PLEC: variants seen among roughly 807,000 people sequenced by gnomAD.
PLEC encodes the protein hemidesmosomal protein 1.
A neutral mutation model predicts 392.8 loss-of-function variants in PLEC; 216 were observed. The ratio of observed to expected loss-of-function variants is 0.55; its 90% CI spans 0.49 to 0.62. PLEC has a LOEUF of 0.62. PLEC is among the 20% of genes least tolerant of loss of function. The probability of loss-of-function intolerance (pLI) is 0.00; values close to 1 mark genes in which losing one functional copy is unlikely to be tolerated. For missense variants in PLEC, 6,863 were observed against 6,563.4 expected (o/e 1.05, Z -1.58); for synonymous variants, 3,621 against 2,980.6 (o/e 1.21, Z -7.00).
intron 1 of PLEC, among the ~76,000 whole-genome samples, chr8:143,967,998 C>T (rs998793412): frequency 1.3e-5 from 2 of 150,968 alleles, no homozygotes; most frequent in African/African-American, 4.9e-5. Flanking sequence ...TGTGGTGGCG[C>T]ACACATGTAA....
chr8:143,959,143 G>A (rs782480891), intron 1 of PLEC, among the ~76,000 whole-genome samples: 12 of 152,206 alleles, frequency 7.9e-5, no homozygotes, highest in Non-Finnish European at 1.8e-4. Context: ...GAATGCGGAC[G>A]GTGCAGGCGC....
chr8:143,934,134 G>C (rs782496051), intron 11 of PLEC, 43 bp from the exon 12 acceptor site: 13 of 1,600,504 alleles, frequency 8.1e-6, no homozygotes, highest in African/African-American at 2.7e-5. Flanking sequence ...GGCCGGGTCC[G>C]GCACAGCCCT....
Position 143,921,808 on chromosome 8 carries a change from C to G in PLEC, c.8013G>C (p.Arg2671=), listed in dbSNP as rs782771150. 10 of 1,609,200 alleles carry G rather than the reference C, an allele frequency of 6.2e-6. No individual in the cohort carries two copies. The Admixed American group carries it at 1.0e-4, about 16-fold the overall frequency. Reference sequence around the variant, plus strand: ...CCACCGTGGTGTGGCCCTGCGCCAACCGCTGCAGCTCCTCCGCACTCAGGA... The same window carrying G: ...CCACCGTGGTGTGGCCCTGCGCCAAGCGCTGCAGCTCCTCCGCACTCAGGA... The part of the protein sequence containing the change: ...AGILSAEELQ[R]LAQGHTTVDE... Residue 2671 remains arginine, a synonymous_variant, in exon 32 of 32, where the codon CGG becomes CGC. Coordinates refer to ENST00000345136, the MANE Select transcript of PLEC (RefSeq NM_201384.3).
At chr8:143,942,311 G>A, upstream of PLEC, 3 of 1,541,004 alleles carry the variant, frequency 1.9e-6, no homozygotes, top group Non-Finnish European at 2.7e-6. Flanking sequence ...CCCAGGCGGC[G>A]GTTCCCAGCA....
chr8:143,937,916 AGCCG>A, intron 3 of PLEC: 5 of 634,804 alleles, frequency 7.9e-6, no homozygotes, highest in Non-Finnish European at 1.2e-5. Context: ...GGCCCAGAGC[AGCCG>A]AGGTCCGAGG....
intron 25 of PLEC, among the ~76,000 whole-genome samples, chr8:143,928,460 A>T (rs1357463836): frequency 1.3e-5 from 2 of 149,870 alleles, no homozygotes; most frequent in Non-Finnish European, 3.0e-5. Flanking sequence ...GTGGTTTGCA[A>T]CACAGGAAGA....
intron 12 of PLEC, 126 bp from the exon 13 acceptor site, chr8:143,933,477 C>T (rs535145792): frequency 5.9e-4 from 659 of 1,114,494 alleles, no homozygotes; most frequent in Middle Eastern, 3.5e-3. Flanking sequence ...CATCCCTGTC[C>T]TTCCCCTTCC....
At position 143,973,039 on chromosome 8, in the gene PLEC, G is replaced by A. The variant is rs1833509392; in HGVS notation, c.70+364C>T. ...GGCGGAGCTGCCCCTGTTCCATGCA[G>A]ACGCGCCCCAGAGGTGGGGCAGGGG... On this transcript the variant is annotated intron_variant, in intron 1 of 31. Coordinates refer to the PLEC transcript ENST00000356346. This position sits in a 1 kb window ranked among gnomAD's most constrained non-coding sequence, Gnocchi z 5.6. Among the ~76,000 whole-genome samples, 1 of 152,174 alleles carries A rather than the reference G, an allele frequency of 6.6e-6. No individual in the cohort carries two copies. The highest frequency in any genetic ancestry group is 2.4e-5 in the African/African-American group (1 of 41,450).
Position 143,919,183 on chromosome 8 carries a change from C to T in PLEC, c.10638G>A (p.Ala3546=), listed in dbSNP as rs782070018. 29 of 1,613,704 alleles carry T rather than the reference C, an allele frequency of 1.8e-5. No homozygotes were observed. The highest frequency in any genetic ancestry group is 5.0e-5 in the Admixed American group (3 of 60,012). ...TGLRLLPLKG[A]EKAEVVETTQ... ...TGGTCTCCACCACCTCAGCCTTCTC[C>T]GCCCCTTTCAGTGGCAGAAGGCGCA... is the stretch of plus-strand genomic sequence containing the variant. The change falls in exon 32 of 32, where the codon GCG becomes GCA. Residue 3546 remains alanine (A), a synonymous_variant. Transcript: ENST00000345136.
At chr8:143,934,480 AG>A (rs1554720916) in intron 10 of PLEC, 35 bp from the exon 11 acceptor site, 1 of 1,608,528 alleles carries the variant, frequency 6.2e-7, no homozygotes, top group Non-Finnish European at 8.5e-7. Context: ...CCCTATAGGC[AG>A]GGGGCAGGGG....
Position 143,917,867 on chromosome 8 carries a change from A to G in PLEC, c.11954T>C (p.Leu3985Pro), listed in dbSNP as rs1554673386. 4 of 1,613,100 alleles carry G rather than the reference A, an allele frequency of 2.5e-6. No homozygotes were observed. The highest frequency in any genetic ancestry group is 1.7e-6 in the Non-Finnish European group (2 of 1,179,988). ...CATACGCACAGCCTCCTCCACCGTC[A>G]GCTTCAGTCCCTTGATGGGGTCGAT... ...YVIDPIKGLK[L>P]TVEEAVRMGI... Residue 3985 changes from leucine (L) to proline (P), a missense_variant, in exon 32 of 32, where the codon CTG becomes CCG. By Grantham distance (98) the Leu-to-Pro change is moderately conservative. Coordinates refer to ENST00000345136, the MANE Select transcript of PLEC (RefSeq NM_201384.3).
Position 143,921,896 on chromosome 8 carries a change from G to A in PLEC, c.7925C>T (p.Pro2642Leu), listed in dbSNP as rs782183501. Residue 2642 changes from proline to leucine, a missense_variant, in exon 32 of 32, where the codon CCG becomes CTG. Coordinates refer to ENST00000345136, the MANE Select transcript of PLEC (RefSeq NM_201384.3). ...CCGCAGGCCATCGAAGCTGTGCTCC[G>A]GCTCTGCCTCTGCCGCGGGGCCATC... ...ALDGPAAEAE[P>L]EHSFDGLRRK... The A allele has an allele frequency of 1.7e-5, 27 of 1,600,482 alleles. No individual in the cohort carries two copies. The highest frequency in any genetic ancestry group is 3.3e-4 in the Middle Eastern group (2 of 6,060).
At position 143,918,671 on chromosome 8, in the gene PLEC, G is replaced by A. The variant is rs375586872; in HGVS notation, c.11150C>T (p.Ala3717Val). 2 of 1,612,870 alleles carry A rather than the reference G, an allele frequency of 1.2e-6. No homozygotes were observed. Among genetic ancestry groups the A allele is most frequent in the Non-Finnish European group, 1.7e-6 (2 of 1,179,986 alleles). Residue 3717 changes from alanine (A) to valine (V), a missense_variant, in exon 32 of 32, where the codon GCC becomes GTC. Coordinates refer to ENST00000345136, the MANE Select transcript of PLEC (RefSeq NM_201384.3). Reference protein sequence around the residue: ...YQALKKGLLSAEVARLLLEAQ... With the variant: ...YQALKKGLLSVEVARLLLEAQ... ...CTCCAGCAGCAGGCGGGCCACCTCGGCACTCAGCAGCCCTTTCTTGAGAGC... is the reference window on the plus strand; with the variant it reads ...CTCCAGCAGCAGGCGGGCCACCTCGACACTCAGCAGCCCTTTCTTGAGAGC...
Position 143,932,981 on chromosome 8 carries a change from G to A in PLEC, c.1549C>T (p.Leu517=). The part of the protein sequence containing the change: ...TLQSVQRRPE[L]EDSTLRYLQD... ...AGGTAGCGCAGAGTGGAGTCCTCCA[G>A]CTCGGGGCGCCTCTGCACACTCTGC... The change falls in exon 14 of 32, where the codon CTG becomes TTG. Residue 517 remains leucine, a synonymous_variant. Coordinates refer to ENST00000345136, the MANE Select transcript of PLEC (RefSeq NM_201384.3). 1.2e-6 allele frequency: 2 copies of A among 1,611,462 alleles called. No homozygotes were observed. Among genetic ancestry groups the A allele is most frequent in the Non-Finnish European group, 8.5e-7 (1 of 1,179,524 alleles).
chr8:143,950,719 CGG>C, exon 1 of PLEC: 1 of 1,553,628 alleles, frequency 6.4e-7, no homozygotes. Context: ...CTGCTGGAGC[CGG>C]GCAGTCAGTG....
rs782596727 is a variant in PLEC, at chr8:143,932,124, C to T, written c.2082+6G>A. The stretch of plus-strand genomic sequence containing the variant: ...CGCAGCCCCGCCCCTACCCAGGGAG[C>T]CCCACCTCCACCGTGGGCCGGGCCG... On this transcript the variant is annotated splice_donor_region_variant and intron_variant, in intron 17 of 31. Coordinates refer to ENST00000345136, the MANE Select transcript of PLEC (RefSeq NM_201384.3). The T allele has an allele frequency of 5.6e-5, 90 of 1,608,920 alleles. No individual in the cohort carries two copies. The highest frequency in any genetic ancestry group is 7.3e-5 in the Non-Finnish European group (86 of 1,178,898).
Position 143,927,586 on chromosome 8 carries a change from G to C in PLEC, c.3580C>G (p.Gln1194Glu). Reference sequence around the variant, plus strand: ...AGCTCGCGCTGCCGCACGTCGGTCTGGGCCAGCACAGCCTGCCAGCGCTCA... The same window carrying C: ...AGCTCGCGCTGCCGCACGTCGGTCTCGGCCAGCACAGCCTGCCAGCGCTCA... ...LLERWQAVLA[Q>E]TDVRQRELEQ... Residue 1194 changes from glutamine to glutamate, a missense_variant, in exon 27 of 32, where the codon CAG becomes GAG. Transcript: ENST00000345136. The C allele has an allele frequency of 6.3e-7, 1 of 1,589,358 alleles. No homozygotes were observed. The highest frequency in any genetic ancestry group is 8.5e-7 in the Non-Finnish European group (1 of 1,174,952).
At chr8:143,952,996 C>CA, upstream of PLEC, among the ~76,000 whole-genome samples, 1 of 135,490 alleles carries the variant, frequency 7.4e-6, no homozygotes, top group African/African-American at 2.7e-5. Flanking sequence ...GCGCCACCCC[C>CA]CCCCGCCTCG....
upstream of PLEC, among the ~76,000 whole-genome samples, chr8:143,944,208 C>T (rs1831075241): frequency 1.3e-5 from 2 of 152,108 alleles, no homozygotes; most frequent in African/African-American, 2.4e-5. Context: ...CGCGGCCACA[C>T]CCGCCGGGAG....
Sources: allele counts gnomAD v4.1 joint callset (sites outside exome capture counted in the v4.1 genomes callset), GRCh38; gene constraint gnomAD v4.1.1; non-coding constraint Gnocchi (gnomAD v3.1); transcripts MANE v1.5; gene names NCBI Gene and HGNC (gene_info 2026-07-23, HGNC 2026-07-21).